Variants in ZNF521 observed in about 807,000 individuals in gnomAD.
The protein encoded by ZNF521 is LYST-interacting protein 3.
ZNF521 carries 14 observed loss-of-function variants against 105.5 expected under a neutral mutation model. The observed-to-expected ratio is 0.13, with a 90% CI of 0.09 to 0.21. The LOEUF is 0.21. Among genes scored for constraint, ZNF521 ranks in the 10% least tolerant of loss-of-function variants. ZNF521 has a pLI of 1.00. For synonymous variants in ZNF521, 635 were observed against 606.0 expected (o/e 1.05, Z -0.70); for missense variants, 1,233 against 1,629.7 (o/e 0.76, Z 4.19).
intron 5 of ZNF521, among the ~76,000 whole-genome samples, chr18:25,162,896 G>A (rs767912276): frequency 5.9e-5 from 9 of 152,146 alleles, no homozygotes; most frequent in Non-Finnish European, 1.3e-4. Flanking sequence ...AACAAGCCCT[G>A]TAGGGTTTAA....
chr18:25,254,719 C>T (rs1908358990), intron 3 of ZNF521, among the ~76,000 whole-genome samples: 1 of 152,068 alleles, frequency 6.6e-6, no homozygotes, highest in Non-Finnish European at 1.5e-5. Flanking sequence ...TAAAAATGGA[C>T]TTGTCTTCTC....
chr18:25,222,295 G>A (rs890214780), intron 4 of ZNF521, among the ~76,000 whole-genome samples: 1 of 152,172 alleles, frequency 6.6e-6, no homozygotes, highest in African/African-American at 2.4e-5. Flanking sequence ...GATTTTAGGT[G>A]TCATTCGAGC....
chr18:25,201,055 T>C (rs2035984341), intron 4 of ZNF521: 3 of 151,898 alleles, frequency 2.0e-5, no homozygotes, highest in Admixed American at 6.6e-5. Flanking sequence ...TTTTTTTCTA[T>C]GTGCTCATTT....
chr18:25,342,416 TTTG>T, intron 2 of ZNF521, among the ~76,000 whole-genome samples: 1 of 15,340 alleles, frequency 6.5e-5, no homozygotes, highest in Admixed American at 7.3e-4. Flanking sequence ...TTGTTTTTTT[TTTG>T]TTTGTTTGTT....
intron 2 of ZNF521, among the ~76,000 whole-genome samples, chr18:25,346,824 T>TG (rs1437925557): frequency 6.6e-6 from 1 of 152,196 alleles, no homozygotes; most frequent in Non-Finnish European, 1.5e-5. Context: ...TATGGGTTTA[T>TG]GAACACCTGA....
At chr18:25,250,224 C>T (rs1265199296) in intron 3 of ZNF521, among the ~76,000 whole-genome samples, 1 of 151,922 alleles carries the variant, frequency 6.6e-6, no homozygotes, top group Non-Finnish European at 1.5e-5. Flanking sequence ...GTCCATTGCC[C>T]TTCAAGTTAC....
intron 5 of ZNF521, among the ~76,000 whole-genome samples, chr18:25,100,018 T>G (rs909964949): frequency 6.6e-6 from 1 of 151,914 alleles, no homozygotes; most frequent in African/African-American, 2.4e-5. Flanking sequence ...GACACGGCAC[T>G]CATCAGGCAT....
At chr18:25,099,651 C>T (rs970769140) in intron 5 of ZNF521, among the ~76,000 whole-genome samples, 1 of 152,148 alleles carries the variant, frequency 6.6e-6, no homozygotes, top group Non-Finnish European at 1.5e-5. Flanking sequence ...TATTAATTGT[C>T]TGTATTCTCA....
intron 3 of ZNF521, among the ~76,000 whole-genome samples, chr18:25,309,503 T>G (rs939517123): frequency 2.0e-5 from 3 of 152,186 alleles, no homozygotes; most frequent in Admixed American, 1.3e-4. Context: ...AAATATGAGC[T>G]CTCACATAAA....
intron 5 of ZNF521, among the ~76,000 whole-genome samples, chr18:25,180,536 T>A: frequency 6.6e-6 from 1 of 151,752 alleles, no homozygotes. Context: ...CCCACATTTA[T>A]TTCCAATGCC....
At position 25,089,467 on chromosome 18, in the gene ZNF521, G is replaced by C; in HGVS notation, c.3904C>G (p.Gln1302Glu). The change falls in exon 7 of 8, where the codon CAG becomes GAG. Residue 1302 changes from glutamine to glutamate, a missense_variant and splice_region_variant. Physicochemically the swap from Gln to Glu is conservative, Grantham distance 29. Around this residue, in one of 6 missense-constraint regions of ZNF521, gnomAD observed 76 missense variants for 137.2 expected, o/e 0.55. Coordinates refer to ENST00000361524, the MANE Select transcript of ZNF521 (RefSeq NM_015461.3). Reference protein sequence around the residue: ...PQKFFFQTELQNHTMTQHSS With the variant: ...PQKFFFQTELENHTMTQHSS ...AGTCCTCCCCATGAGGACATTACCTGCAGCTCTGTTTGGAAGAAAAACTTC... is the reference window on the plus strand; with the variant it reads ...AGTCCTCCCCATGAGGACATTACCTCCAGCTCTGTTTGGAAGAAAAACTTC... 6.8e-6 allele frequency: 11 copies of C among 1,611,934 alleles called. No individual in the cohort carries two copies. The highest frequency in any genetic ancestry group is 9.3e-6 in the Non-Finnish European group (11 of 1,178,040).
intron 5 of ZNF521, among the ~76,000 whole-genome samples, chr18:25,153,260 ATAC>A (rs2035081570): frequency 6.6e-6 from 1 of 152,200 alleles, no homozygotes; most frequent in Non-Finnish European, 1.5e-5. Flanking sequence ...GGAAATCATG[ATAC>A]TACAACTCTC....
At chr18:25,332,008 G>A (rs2145178655) in intron 2 of ZNF521, among the ~76,000 whole-genome samples, 1 of 150,822 alleles carries the variant, frequency 6.6e-6, no homozygotes, top group East Asian at 1.9e-4. Flanking sequence ...AAACATTTTG[G>A]GCATTTAATA....
At chr18:25,108,781 T>C (rs983048989) in intron 5 of ZNF521, among the ~76,000 whole-genome samples, 2 of 151,952 alleles carry the variant, frequency 1.3e-5, no homozygotes, top group Admixed American at 1.3e-4. Context: ...TGTGTCACCA[T>C]GCCCAGCTAA....
chr18:25,215,184 T>C (rs1253768781), intron 4 of ZNF521, among the ~76,000 whole-genome samples: 2 of 152,062 alleles, frequency 1.3e-5, no homozygotes, highest in African/African-American at 4.8e-5. Flanking sequence ...AATAGAAAAG[T>C]AGGTTAAGAA....
intron 3 of ZNF521, among the ~76,000 whole-genome samples, chr18:25,241,075 C>A (rs2144798314): frequency 6.6e-6 from 1 of 152,088 alleles, no homozygotes; most frequent in Middle Eastern, 3.4e-3. Flanking sequence ...TTTATACTCC[C>A]TTTAAAAATT....
intron 5 of ZNF521, among the ~76,000 whole-genome samples, chr18:25,174,819 G>C (rs555574077): frequency 6.6e-6 from 1 of 152,138 alleles, no homozygotes; most frequent in Non-Finnish European, 1.5e-5. Context: ...TTGGTGAGCA[G>C]CCCCATTACA....
chr18:25,250,802 A>C (rs1192648091), intron 3 of ZNF521, among the ~76,000 whole-genome samples: 3 of 152,228 alleles, frequency 2.0e-5, no homozygotes, highest in Non-Finnish European at 4.4e-5. Flanking sequence ...CCATCTTGAA[A>C]TTTAAAATGT....
intron 2 of ZNF521, among the ~76,000 whole-genome samples, chr18:25,326,652 T>C (rs1393568383): frequency 6.6e-6 from 1 of 152,186 alleles, no homozygotes; most frequent in Non-Finnish European, 1.5e-5. Flanking sequence ...AGGCCCTCTG[T>C]CCCTCTTGCT....
Sources: allele counts gnomAD v4.1 joint callset (sites outside exome capture counted in the v4.1 genomes callset), GRCh38; gene constraint gnomAD v4.1.1; regional missense constraint gnomAD v4.1.1; transcripts MANE v1.5; gene names NCBI Gene and HGNC (gene_info 2026-07-23, HGNC 2026-07-21).